The following SETD5 variants were observed in gnomAD, a reference collection of about 807,000 sequenced individuals.
SETD5 encodes the protein histone-lysine N-methyltransferase SETD5.
SETD5 carries 44 observed loss-of-function variants against 153.3 expected under a neutral mutation model. That is an observed-to-expected ratio of 0.29 (90% CI 0.23 to 0.37). The LOEUF (loss-of-function observed/expected upper bound fraction) is 0.37, where lower values mean the gene tolerates loss of function less well. Among genes scored for constraint, SETD5 ranks in the 10% least tolerant of loss-of-function variants. The probability of loss-of-function intolerance (pLI) is 1.00; values close to 1 mark genes in which losing one functional copy is unlikely to be tolerated. For missense variants in SETD5, 1,544 were observed against 1,768.0 expected (o/e 0.87, Z 2.27); for synonymous variants, 716 against 645.2 (o/e 1.11, Z -1.66).
intron 12 of SETD5, 42 bp downstream of exon 12, chr3:9,445,342 C>A: frequency 6.3e-7 from 1 of 1,578,378 alleles, no homozygotes; most frequent in Non-Finnish European, 8.6e-7. Context: ...GGCATCAATC[C>A]TCCAAAGGAA....
chr3:9,424,755 G>T (rs2038897491), intron 2 of SETD5, among the ~76,000 whole-genome samples: 1 of 152,092 alleles, frequency 6.6e-6, no homozygotes, highest in Non-Finnish European at 1.5e-5. Context: ...ATTATAATAA[G>T]AAAATACTGC....
intron 1 of SETD5, among the ~76,000 whole-genome samples, chr3:9,413,699 T>TC (rs1353210205): frequency 6.6e-6 from 1 of 151,372 alleles, no homozygotes; most frequent in Non-Finnish European, 1.5e-5. Context: ...ATTTATTTAT[T>TC]TTTTTAAGTT....
intron 1 of SETD5, among the ~76,000 whole-genome samples, chr3:9,403,187 C>T (rs1009648646): frequency 6.6e-6 from 1 of 152,012 alleles, no homozygotes; most frequent in Non-Finnish European, 1.5e-5. Context: ...TTTTGCCAAC[C>T]ACATACTATT....
intron 20 of SETD5, 93 bp from the exon 21 acceptor site, chr3:9,474,356 G>T (rs2045640154): frequency 1.4e-6 from 2 of 1,386,870 alleles, no homozygotes; most frequent in African/African-American, 1.4e-5. Context: ...TGTTTAAGAG[G>T]ATGTTTTAAG....
intron 19 of SETD5, 105 bp from the exon 20 acceptor site, chr3:9,473,131 T>G (rs991774238): frequency 1.5e-6 from 2 of 1,358,898 alleles, no homozygotes; most frequent in Admixed American, 2.6e-5. Context: ...GCTTGGCTAG[T>G]GGTTTACTAA....
chr3:9,418,986 C>G (rs1053120498), intron 1 of SETD5, among the ~76,000 whole-genome samples: 3 of 151,976 alleles, frequency 2.0e-5, no homozygotes, highest in Non-Finnish European at 4.4e-5. Context: ...ACCACTATGC[C>G]TGGCTGATTT....
At chr3:9,461,315 A>G (rs959251340) in intron 17 of SETD5, among the ~76,000 whole-genome samples, 1 of 152,204 alleles carries the variant, frequency 6.6e-6, no homozygotes, top group African/African-American at 2.4e-5. Context: ...TGAACTGTAG[A>G]TTTCTATTCA....
At chr3:9,443,508 C>T in intron 11 of SETD5, 91 bp downstream of exon 11, 1 of 701,604 alleles carries the variant, frequency 1.4e-6, no homozygotes, top group Non-Finnish European at 2.0e-6. Flanking sequence ...TGTTTCTTGC[C>T]TTTTCCTTTG....
intron 20 of SETD5, among the ~76,000 whole-genome samples, chr3:9,473,830 A>G (rs995962272): frequency 1.1e-4 from 16 of 152,334 alleles, no homozygotes; most frequent in East Asian, 5.8e-4. Context: ...TGCCTTTCCT[A>G]TTTCTCATTT....
chr3:9,426,030 C>A (rs1228708015), intron 2 of SETD5: 5 of 151,888 alleles, frequency 3.3e-5, no homozygotes, highest in African/African-American at 1.2e-4. Flanking sequence ...CCAACAGCCC[C>A]CAGTATTTAA....
intron 17 of SETD5, among the ~76,000 whole-genome samples, chr3:9,456,818 C>CA (rs566383146): frequency 0.012 from 1,842 of 151,408 alleles, 38 homozygotes; most frequent in African/African-American, 0.042. Context: ...ACTAAAAATA[C>CA]AAAAAAAATT....
intron 10 of SETD5, chr3:9,442,806 G>A (rs897482983): frequency 6.0e-6 from 1 of 166,440 alleles, no homozygotes; most frequent in Non-Finnish European, 1.3e-5. Context: ...GGAAGGCTGA[G>A]GTGGGCAGAT....
intron 1 of SETD5, among the ~76,000 whole-genome samples, chr3:9,416,069 A>G (rs2037392027): frequency 6.6e-6 from 1 of 152,076 alleles, no homozygotes; most frequent in Non-Finnish European, 1.5e-5. Context: ...TGGTTCAAAT[A>G]GGAATCTTCC....
chr3:9,399,563 G>T (rs2034408742), intron 1 of SETD5, among the ~76,000 whole-genome samples: 1 of 152,106 alleles, frequency 6.6e-6, no homozygotes, highest in Admixed American at 6.6e-5. Flanking sequence ...GTAGAAAAAT[G>T]AATTATGCCC....
At chr3:9,452,229 A>G (rs1446250153) in intron 16 of SETD5, among the ~76,000 whole-genome samples, 1 of 152,232 alleles carries the variant, frequency 6.6e-6, no homozygotes, top group Non-Finnish European at 1.5e-5. Context: ...AAATATTAAA[A>G]AATTACTCAG....
intron 1 of SETD5, among the ~76,000 whole-genome samples, chr3:9,404,976 C>G (rs1192903703): frequency 2.0e-5 from 3 of 152,186 alleles, no homozygotes; most frequent in African/African-American, 7.2e-5. Flanking sequence ...AACGCCTCCT[C>G]CCATCAAAAA....
chr3:9,454,216 T>G (rs1026070838), intron 17 of SETD5: 1 of 155,316 alleles, frequency 6.4e-6, no homozygotes, highest in Non-Finnish European at 1.4e-5. Flanking sequence ...AAATTCTGAG[T>G]GATTAAGTTG....
Position 9,470,916 on chromosome 3 carries a change from C to CACAGAGGAA in SETD5, c.3184_3192dup (p.Gln1062_Lys1064dup). ...GTCCCATCTGCCCCCCAGAACCCAC[C>CACAGAGGAA]ACAGAGGAAAAAAGTAAGTGTTTCA... On this transcript the variant is annotated inframe_insertion, in exon 19 of 23. Coordinates refer to ENST00000402198, the MANE Select transcript of SETD5 (RefSeq NM_001080517.3). 1 of 1,568,702 alleles carries CACAGAGGAA rather than the reference C, an allele frequency of 6.4e-7. No individual in the cohort carries two copies. Among genetic ancestry groups the CACAGAGGAA allele is most frequent in the Non-Finnish European group, 8.7e-7 (1 of 1,154,928 alleles).
chr3:9,452,203 A>G (rs2042696597), intron 16 of SETD5, among the ~76,000 whole-genome samples: 1 of 152,222 alleles, frequency 6.6e-6, no homozygotes, highest in African/African-American at 2.4e-5. Flanking sequence ...TTACAAGTAC[A>G]TCTACTAGAC....
Sources: allele counts gnomAD v4.1 joint callset (sites outside exome capture counted in the v4.1 genomes callset), GRCh38; gene constraint gnomAD v4.1.1; transcripts MANE v1.5; gene names NCBI Gene and HGNC (gene_info 2026-07-23, HGNC 2026-07-21).